Variants in OTOP3 observed in about 807,000 individuals in gnomAD.
OTOP3 encodes the protein otopetrin 3.
Under a neutral mutation model 50.8 loss-of-function variants are expected in OTOP3, and 41 were observed. The observed-to-expected ratio is 0.81, with a 90% CI of 0.63 to 1.05. The LOEUF (loss-of-function observed/expected upper bound fraction) is 1.05. Among genes scored for constraint, OTOP3 ranks in the 50% least tolerant of loss-of-function variants. The pLI is 0.00. For synonymous variants in OTOP3, 320 were observed against 324.4 expected, an observed-to-expected ratio of 0.99 and a Z score of 0.14; for missense variants, 788 against 760.8, an observed-to-expected ratio of 1.04 and a Z score of -0.42.
chr17:74,949,647 G>T lies in OTOP3; in HGVS notation c.*231G>T. The T allele has an allele frequency of 1.9e-6, 1 of 530,238 alleles. No homozygotes were observed. The allele number at this position is 530,238 out of a possible 1,614,324, so 32.8% of individuals were successfully genotyped here. ...CACGGCCAGGCCTGGGCACATGCCT[G>T]CCCCCTGCCTTCCCACCACGATCCG... On this transcript the variant is annotated 3_prime_UTR_variant, in exon 7 of 7. Transcript: ENST00000328801.
intron 1 of OTOP3, among the ~76,000 whole-genome samples, chr17:74,937,400 A>T (rs568302041): frequency 6.6e-6 from 1 of 152,354 alleles, no homozygotes; most frequent in South Asian, 2.1e-4. Flanking sequence ...GTCTAAGATG[A>T]CAGAGGTAAT....
rs541408412 is a variant in OTOP3, at chr17:74,942,653, C to A, written c.573+616C>A. On this transcript the variant is annotated intron_variant, in intron 3 of 6. Coordinates refer to ENST00000328801, the MANE Select transcript of OTOP3 (RefSeq NM_001272005.2). ...CTCAAAAAAAAAGAATACAATCGGC[C>A]AGGCGCGGTGGCTCACACCTGTAAT... Among the ~76,000 whole-genome samples, 230 of 138,356 alleles carry A rather than the reference C, an allele frequency of 1.7e-3. 2 individuals are homozygous for A. Among genetic ancestry groups the A allele is most frequent in the Middle Eastern group, 9.5e-3 (2 of 210 alleles). 90.8% of individuals were successfully genotyped at this position (138,356 alleles called of 152,430 possible). A position where few individuals can be genotyped will look rare whatever the true frequency, so the allele number is the denominator to read the frequency against.
intron 1 of OTOP3, among the ~76,000 whole-genome samples, chr17:74,938,137 A>G (rs1050200944): frequency 3.9e-5 from 6 of 152,114 alleles, no homozygotes; most frequent in Admixed American, 3.9e-4. Flanking sequence ...CATTTATAGA[A>G]TCTTGAAAAG....
At chr17:74,938,229 T>C (rs2039137596) in intron 1 of OTOP3, among the ~76,000 whole-genome samples, 1 of 151,898 alleles carries the variant, frequency 6.6e-6, no homozygotes, top group Non-Finnish European at 1.5e-5. Flanking sequence ...AATGGGAGAA[T>C]ATGACAAGGG....
intron 3 of OTOP3, 33 bp downstream of exon 3, chr17:74,942,070 G>A (rs746261352): frequency 3.8e-6 from 6 of 1,577,290 alleles, no homozygotes; most frequent in Non-Finnish European, 8.6e-7. Flanking sequence ...ACATCACCGA[G>A]GACATACCCT....
At position 74,946,826 on chromosome 17, in the gene OTOP3, G is replaced by C; in HGVS notation, c.917G>C (p.Gly306Ala). ...NVGRHVAPHMGAHPATAPFHL... is the reference protein window; with the variant it reads ...NVGRHVAPHMAAHPATAPFHL... ...GGCCGCCACGTGGCACCCCACATGG[G>C]TGCCCACCCTGCCACCGCACCCTTC... is the stretch of plus-strand genomic sequence containing the variant. The change falls in exon 6 of 7, where the codon GGT becomes GCT. Residue 306 changes from glycine to alanine, a missense_variant. Coordinates refer to ENST00000328801, the MANE Select transcript of OTOP3 (RefSeq NM_001272005.2). The C allele has an allele frequency of 1.2e-6, 2 of 1,611,228 alleles. No individual in the cohort carries two copies. Among genetic ancestry groups the C allele is most frequent in the Non-Finnish European group, 1.7e-6 (2 of 1,180,002 alleles).
In OTOP3 at chr17:74,946,529, AT is replaced by A. The variant is rs2039225252; in HGVS notation, c.752-130del. ...TCTTTGCCTGGGCCTCAGTTTCCAC[AT>A]TGGTAAAATGAGCGGCTGGGTCGCT... On this transcript the variant is annotated intron_variant, in intron 5 of 6. Coordinates refer to ENST00000328801, the MANE Select transcript of OTOP3 (RefSeq NM_001272005.2). 27 of 721,572 alleles carry A rather than the reference AT, an allele frequency of 3.7e-5. 1 individual carries two copies. The South Asian group carries it at 5.4e-4, about 14-fold the overall frequency. 44.7% of individuals were successfully genotyped at this position (721,572 alleles called of 1,614,324 possible). A position where few individuals can be genotyped will look rare whatever the true frequency, so the allele number is the denominator to read the frequency against.
At position 74,946,793 on chromosome 17, in the gene OTOP3, A is replaced by G; in HGVS notation, c.884A>G (p.Lys295Arg). The G allele has an allele frequency of 6.2e-7, 1 of 1,612,484 alleles. No individual in the cohort carries two copies. The highest frequency in any genetic ancestry group is 8.5e-7 in the Non-Finnish European group (1 of 1,180,024). ...ICCAVLFVMWKNVGRHVAPHM... is the reference protein window; with the variant it reads ...ICCAVLFVMWRNVGRHVAPHM... ...TGTGCTGTGCTGTTTGTCATGTGGA[A>G]GAACGTGGGCCGCCACGTGGCACCC... Residue 295 changes from lysine to arginine, a missense_variant, in exon 6 of 7, where the codon AAG becomes AGG. Lys to Arg is a conservative substitution (Grantham distance 26). Coordinates refer to ENST00000328801, the MANE Select transcript of OTOP3 (RefSeq NM_001272005.2).
chr17:74,947,400 C>T lies in OTOP3; in HGVS notation c.1491C>T (p.His497=), dbSNP rs1406724447. ...AGCGGGCCTCACTGGCCTACATCCA[C>T]TCCTACAGCCACCTCAACTGGAAGC... ...GLQRASLAYI[H]SYSHLNWKRR... Residue 497 remains histidine, a synonymous_variant, in exon 6 of 7, where the codon CAC becomes CAT. Transcript: ENST00000328801. 6.2e-6 allele frequency: 10 copies of T among 1,612,780 alleles called. No homozygotes were observed. The highest frequency in any genetic ancestry group is 5.5e-5 in the South Asian group (5 of 91,088).
At position 74,949,507 on chromosome 17, in the gene OTOP3, G is replaced by A. The variant is rs146237764; in HGVS notation, c.*91G>A. Reference sequence around the variant, plus strand: ...AGCAGATGCCTCATTCTGAGGTGCCGAGACCAGCCTGAGGCTCTCAAGGCC... The same window carrying A: ...AGCAGATGCCTCATTCTGAGGTGCCAAGACCAGCCTGAGGCTCTCAAGGCC... On this transcript the variant is annotated 3_prime_UTR_variant, in exon 7 of 7. Coordinates refer to ENST00000328801, the MANE Select transcript of OTOP3 (RefSeq NM_001272005.2). 2.3e-3 allele frequency: 3,324 copies of A among 1,449,132 alleles called. 77 individuals are homozygous for A. The East Asian group carries it at 0.051, about 22-fold the overall frequency. 89.8% of individuals were successfully genotyped at this position (1,449,132 alleles called of 1,614,324 possible). A position where few individuals can be genotyped will look rare whatever the true frequency, so the allele number is the denominator to read the frequency against.
At chr17:74,939,430 G>T (rs1180184368) in intron 1 of OTOP3, among the ~76,000 whole-genome samples, 2 of 152,080 alleles carry the variant, frequency 1.3e-5, no homozygotes, top group African/African-American at 4.8e-5. Context: ...GGAACAGGGG[G>T]TCTCTAGGGA....
intron 6 of OTOP3, among the ~76,000 whole-genome samples, chr17:74,948,650 A>G (rs1358367823): frequency 6.6e-6 from 1 of 151,916 alleles, no homozygotes; most frequent in Non-Finnish European, 1.5e-5. Context: ...ACAGAGTGAG[A>G]CTCTGTATCT....
chr17:74,939,726 G>C (rs796715835), intron 1 of OTOP3, among the ~76,000 whole-genome samples: 1 of 152,048 alleles, frequency 6.6e-6, no homozygotes, highest in Non-Finnish European at 1.5e-5. Context: ...CCAGGCACTC[G>C]TGGGACTTCC....
upstream of OTOP3, chr17:74,935,836 C>T (rs756923445): frequency 2.6e-6 from 4 of 1,526,964 alleles, no homozygotes; most frequent in Non-Finnish European, 3.5e-6. Context: ...GCTGCGCAGT[C>T]CCGCTGGGGG....
intron 4 of OTOP3, 117 bp from the exon 5 acceptor site, chr17:74,943,489 G>C: frequency 9.8e-6 from 13 of 1,329,356 alleles, no homozygotes; most frequent in Non-Finnish European, 1.3e-5. Flanking sequence ...GTGCCAGTGT[G>C]ACACTAGGGA....
At chr17:74,936,368 G>T (rs1446910262) in intron 1 of OTOP3, among the ~76,000 whole-genome samples, 1 of 152,178 alleles carries the variant, frequency 6.6e-6, no homozygotes, top group Non-Finnish European at 1.5e-5. Context: ...CCTCGGAGCC[G>T]GCCCTGCGCT....
chr17:74,941,785 C>T lies in OTOP3; in HGVS notation c.412C>T (p.His138Tyr), dbSNP rs758913763. The T allele has an allele frequency of 1.9e-6, 3 of 1,612,034 alleles. No homozygotes were observed. Among genetic ancestry groups the T allele is most frequent in the South Asian group, 2.2e-5 (2 of 90,994 alleles). The change falls in exon 2 of 7, where the codon CAC (histidine) becomes TAC (tyrosine). Residue 138 changes from histidine (H) to tyrosine (Y), a missense_variant. Physicochemically the swap from His to Tyr is moderately conservative, Grantham distance 83. Transcript: ENST00000328801. ...RPHAVLYQDP[H>Y]AGPLWVRGSL... ...ACACGCCGTGCTCTACCAAGATCCC[C>T]ACGCGGGGCCCCTCTGGGTGCGGGG...
intron 1 of OTOP3, among the ~76,000 whole-genome samples, chr17:74,936,620 G>C (rs1598600069): frequency 6.6e-6 from 1 of 152,178 alleles, no homozygotes. Context: ...TCCTTTGAAG[G>C]CTCACGCCAG....
chr17:74,946,227 C>T lies in OTOP3; in HGVS notation c.752-434C>T, dbSNP rs527384833. Among the ~76,000 whole-genome samples the T allele has an allele frequency of 3.9e-5, 6 of 152,326 alleles. No individual in the cohort carries two copies. In the South Asian group the frequency reaches 8.3e-4, roughly 21 times the overall value. ...TCCTGACCTCAGGTGATCCACCTGC[C>T]TCAGCCTCCCAAAGTGTTGGGATTA... On this transcript the variant is annotated intron_variant, in intron 5 of 6. Transcript: ENST00000328801.
Sources: gnomAD v4.1 joint callset for allele counts (sites outside exome capture counted in the v4.1 genomes callset) on GRCh38, gnomAD v4.1.1 for gene constraint, MANE v1.5 for transcripts, NCBI Gene and HGNC (gene_info 2026-07-23, HGNC 2026-07-21) for gene names.